The following PDZD2 variants were observed in gnomAD, a reference collection of about 807,000 sequenced individuals.
PDZD2 encodes the protein PDZ domain-containing protein 2.
Under a neutral mutation model 220.7 loss-of-function variants are expected in PDZD2, and 90 were observed. The ratio of observed to expected loss-of-function variants is 0.41; its 90% CI spans 0.34 to 0.49. The LOEUF is 0.49. Ranked by LOEUF, PDZD2 falls within the 20% of genes least tolerant of loss-of-function variation. PDZD2 has a pLI of 0.28. For missense variants in PDZD2, 3,174 were observed against 3,608.5 expected, an observed-to-expected ratio of 0.88 and a Z score of 3.08; for synonymous variants, 1,375 against 1,450.5, an observed-to-expected ratio of 0.95 and a Z score of 1.18.
At chr5:31,953,644 G>A (rs1482672704) in intron 2 of PDZD2, among the ~76,000 whole-genome samples, 2 of 126,512 alleles carry the variant, frequency 1.6e-5, no homozygotes, top group African/African-American at 6.1e-5. Flanking sequence ...GCAAGACCCT[G>A]TCTCTTAAAA....
chr5:32,022,666 C>T (rs575490431), intron 6 of PDZD2, among the ~76,000 whole-genome samples: 1 of 152,194 alleles, frequency 6.6e-6, no homozygotes, highest in East Asian at 1.9e-4. Context: ...ACAGGAACAC[C>T]TGCAGAAACT....
At chr5:31,644,674 C>T (rs1237786571) in intron 1 of PDZD2, among the ~76,000 whole-genome samples, 1 of 152,194 alleles carries the variant, frequency 6.6e-6, no homozygotes, top group Non-Finnish European at 1.5e-5. Flanking sequence ...GGCCAGCAAA[C>T]AGTCTCCATT....
intron 6 of PDZD2, among the ~76,000 whole-genome samples, chr5:32,014,710 T>C (rs1289178548): frequency 1.7e-4 from 1 of 5,912 alleles, no homozygotes; most frequent in Non-Finnish European, 2.4e-3. Context: ...CAATTTCTTT[T>C]TTTTTTTTTT....
chr5:31,727,934 C>T (rs905790351), intron 1 of PDZD2, among the ~76,000 whole-genome samples: 24 of 142,884 alleles, frequency 1.7e-4, no homozygotes, highest in Admixed American at 1.2e-3. Flanking sequence ...ATCCAGGAGG[C>T]AGAGCTTGCA....
At chr5:31,957,333 T>C (rs1690772246) in intron 2 of PDZD2, among the ~76,000 whole-genome samples, 3 of 152,186 alleles carry the variant, frequency 2.0e-5, no homozygotes, top group Non-Finnish European at 4.4e-5. Flanking sequence ...GTTCAAGCTC[T>C]AGGAATTTAA....
rs1436299808 is a variant in PDZD2, at chr5:32,108,939, A to G, written c.*804A>G. On this transcript the variant is annotated 3_prime_UTR_variant, in exon 25 of 25. Coordinates refer to ENST00000438447, the MANE Select transcript of PDZD2 (RefSeq NM_178140.4). ...GCTTCACTGCTTAGAGGGAGCAGAA[A>G]GGTCAACATCTAAAAGCACCTTACA... The G allele has an allele frequency of 1.0e-4, 16 of 152,654 alleles. No individual in the cohort carries two copies. 9.5% of individuals were successfully genotyped at this position (152,654 alleles called of 1,614,324 possible).
intron 6 of PDZD2, among the ~76,000 whole-genome samples, chr5:32,018,187 G>T (rs977006449): frequency 1.3e-5 from 2 of 152,182 alleles, no homozygotes; most frequent in Non-Finnish European, 2.9e-5. Context: ...TCCTGCATCC[G>T]GCTCATGTGC....
chr5:32,074,075 C>T lies in PDZD2; in HGVS notation c.2969C>T (p.Pro990Leu), dbSNP rs139754344. Reference sequence around the variant, plus strand: ...TGCATTTCACTCCCAGGGGCCCTCCCGGGTCCCATCAGGCCTCTGTCAGAG... The same window carrying T: ...TGCATTTCACTCCCAGGGGCCCTCCTGGGTCCCATCAGGCCTCTGTCAGAG... The part of the protein sequence containing the change: ...GDCISLPGAL[P>L]GPIRPLSEDD... The change falls in exon 18 of 25, where the codon CCG becomes CTG. Residue 990 changes from proline to leucine, a missense_variant. This residue lies in a region of PDZD2 where 1,861 missense variants were observed against 2,001.0 expected (regional missense o/e 0.93). Coordinates refer to ENST00000438447, the MANE Select transcript of PDZD2 (RefSeq NM_178140.4). 3,119 of 1,614,000 alleles carry T rather than the reference C, an allele frequency of 1.9e-3. 59 individuals carry two copies. In the Admixed American group the frequency reaches 0.037, roughly 19 times the overall value.
chr5:31,740,972 TA>T (rs1750224106), intron 1 of PDZD2, among the ~76,000 whole-genome samples: 1 of 152,256 alleles, frequency 6.6e-6, no homozygotes. Context: ...CTCATGTTTC[TA>T]ACAGGGTTTT....
intron 1 of PDZD2, chr5:31,787,830 C>G (rs1443359460): frequency 6.6e-6 from 1 of 152,222 alleles, no homozygotes; most frequent in Non-Finnish European, 1.5e-5. Flanking sequence ...CCTCACTTCT[C>G]AGAATCCATC....
At chr5:32,078,156 A>G (rs956760214) in intron 19 of PDZD2, among the ~76,000 whole-genome samples, 2 of 152,124 alleles carry the variant, frequency 1.3e-5, no homozygotes, top group African/African-American at 4.8e-5. Context: ...CCAACAAGAC[A>G]TGAGATGAAT....
chr5:32,081,977 C>G (rs184075179), intron 19 of PDZD2, among the ~76,000 whole-genome samples: 1 of 150,928 alleles, frequency 6.6e-6, no homozygotes, highest in Non-Finnish European at 1.5e-5. Flanking sequence ...CTCGGCCTCC[C>G]GAAGTGCTGG....
rs1412264996 is a variant in PDZD2, at chr5:32,042,537, C to G, written c.1519+5195C>G. 4.6e-5 allele frequency among the ~76,000 whole-genome samples: 7 copies of G among 152,074 alleles called. No homozygotes were observed. In the East Asian group the frequency reaches 1.3e-3, roughly 29 times the overall value. ...GCAGTGAACCAAGATTGCGCCACTGCTTTCCAGCTGGGCAACAGAGCCAGA... is the reference window on the plus strand; with the variant it reads ...GCAGTGAACCAAGATTGCGCCACTGGTTTCCAGCTGGGCAACAGAGCCAGA... On this transcript the variant is annotated intron_variant, in intron 7 of 24. Coordinates refer to ENST00000438447, the MANE Select transcript of PDZD2 (RefSeq NM_178140.4).
At chr5:32,079,576 GTGGGTGGATCCCCC>G (rs1417594364) in intron 19 of PDZD2, among the ~76,000 whole-genome samples, 1 of 151,338 alleles carries the variant, frequency 6.6e-6, no homozygotes, top group Admixed American at 6.6e-5. Flanking sequence ...GGAGGCTGAG[GTGGGTGGATCCCCC>G]GAGGTCAGGA....
chr5:31,995,033 C>T (rs1751519458), intron 3 of PDZD2, among the ~76,000 whole-genome samples: 1 of 152,100 alleles, frequency 6.6e-6, no homozygotes, highest in Non-Finnish European at 1.5e-5. Flanking sequence ...GTTGAAGTCT[C>T]CTGGCACCAA....
chr5:31,921,529 CA>C lies in PDZD2; in HGVS notation c.477-61615del, dbSNP rs376475789. On this transcript the variant is annotated intron_variant, in intron 2 of 24. Coordinates refer to ENST00000438447, the MANE Select transcript of PDZD2 (RefSeq NM_178140.4). The stretch of plus-strand genomic sequence containing the variant: ...TGAAACCCTGTCTCTTCCAAAAATA[CA>C]AAAAAAAAAATTAGCTGGGTGTGCT... Among the ~76,000 whole-genome samples, 1,243 of 145,892 alleles carry C rather than the reference CA, an allele frequency of 8.5e-3. 17 individuals carry two copies. Among genetic ancestry groups the C allele is most frequent in the African/African-American group, 0.028 (1,127 of 39,950 alleles).
intron 17 of PDZD2, among the ~76,000 whole-genome samples, chr5:32,073,180 C>T (rs955269864): frequency 4.6e-5 from 7 of 152,116 alleles, no homozygotes; most frequent in East Asian, 1.9e-4. Context: ...AGGCAGGCGA[C>T]GACCACTCTG....
chr5:32,088,009 A>G lies in PDZD2; in HGVS notation c.4561A>G (p.Ser1521Gly), dbSNP rs576296780. ...TTTTACTGTGAACAAAAACTTTCTG[A>G]GCAACTACTCTAGAAATTTTAGCAG... is the stretch of plus-strand genomic sequence containing the variant. ...KHFTVNKNFL[S>G]NYSRNFSSFH... Residue 1521 changes from serine (S) to glycine (G), a missense_variant, in exon 20 of 25, where the codon AGC (serine) becomes GGC (glycine). By Grantham distance (56) the Ser-to-Gly change is moderately conservative. Around this residue, in one of 4 missense-constraint regions of PDZD2, gnomAD observed 1,861 missense variants for 2,001.0 expected, o/e 0.93. Transcript: ENST00000438447. This position sits in a 1 kb window ranked among gnomAD's most constrained non-coding sequence, Gnocchi z 4.6. The G allele has an allele frequency of 6.2e-7, 1 of 1,614,222 alleles. No individual in the cohort carries two copies. Among genetic ancestry groups the G allele is most frequent in the Admixed American group, 1.7e-5 (1 of 60,032 alleles).
chr5:31,705,904 A>G (rs1241800182), intron 1 of PDZD2, among the ~76,000 whole-genome samples: 4 of 152,178 alleles, frequency 2.6e-5, no homozygotes, highest in Non-Finnish European at 4.4e-5. Flanking sequence ...TACAAAATTT[A>G]CCTGGGCGTG....
Sources: allele counts gnomAD v4.1 joint callset (sites outside exome capture counted in the v4.1 genomes callset), GRCh38; gene constraint gnomAD v4.1.1; regional missense constraint gnomAD v4.1.1; non-coding constraint Gnocchi (gnomAD v3.1); transcripts MANE v1.5; gene names NCBI Gene and HGNC (gene_info 2026-07-23, HGNC 2026-07-21).